Variants in BCKDHB observed in about 807,000 individuals in gnomAD.
BCKDHB encodes 2-oxoisovalerate dehydrogenase subunit beta, mitochondrial.
Under a neutral mutation model 48.5 loss-of-function variants are expected in BCKDHB, and 41 were observed. The observed-to-expected ratio is 0.85, with a 90% CI of 0.66 to 1.10. The LOEUF (loss-of-function observed/expected upper bound fraction) is 1.10. Among genes scored for constraint, BCKDHB ranks in the 50% least tolerant of loss-of-function variants. The pLI, the probability that BCKDHB is intolerant of heterozygous loss-of-function variation, is 0.00. For missense variants in BCKDHB, 496 were observed against 494.2 expected (o/e 1.00, Z -0.03); for synonymous variants, 201 against 174.8 (o/e 1.15, Z -1.18).
At chr6:80,456,536 G>C in the BCKDHB span, among the ~76,000 whole-genome samples, 1 of 152,054 alleles carries the variant, frequency 6.6e-6, no homozygotes, top group Non-Finnish European at 1.5e-5. Flanking sequence ...ACTCCTTTCC[G>C]CTTCTCCATC....
chr6:80,444,734 A>G, the BCKDHB span, among the ~76,000 whole-genome samples: 3 of 152,226 alleles, frequency 2.0e-5, no homozygotes, highest in Non-Finnish European at 4.4e-5. Flanking sequence ...TGTCTTGCAT[A>G]TAGATATGGC....
At chr6:80,220,913 T>A (rs186209374) in intron 8 of BCKDHB, among the ~76,000 whole-genome samples, 1 of 152,042 alleles carries the variant, frequency 6.6e-6, no homozygotes, top group African/African-American at 2.4e-5. Context: ...TTTTGTATTT[T>A]TAGTAGAGAC....
the BCKDHB span, among the ~76,000 whole-genome samples, chr6:80,416,671 C>T: frequency 3.3e-5 from 5 of 152,004 alleles, no homozygotes; most frequent in East Asian, 7.7e-4. Context: ...CATTCTTTTG[C>T]ATTTGCTGAG....
At chr6:80,371,802 G>A in the BCKDHB span, among the ~76,000 whole-genome samples, 2 of 151,722 alleles carry the variant, frequency 1.3e-5, no homozygotes, top group Admixed American at 1.3e-4. Context: ...AAGTATTTGG[G>A]TGGATTTCTA....
chr6:80,378,015 T>C, the BCKDHB span, among the ~76,000 whole-genome samples: 1 of 152,208 alleles, frequency 6.6e-6, no homozygotes, highest in African/African-American at 2.4e-5. Flanking sequence ...TGTTTTATAG[T>C]TTTCAGAGTA....
chr6:80,117,168 A>C (rs1179721883), intron 1 of BCKDHB, among the ~76,000 whole-genome samples: 1 of 152,210 alleles, frequency 6.6e-6, no homozygotes, highest in Non-Finnish European at 1.5e-5. Flanking sequence ...CCAAAACCCT[A>C]AAATTTTGAA....
intron 9 of BCKDHB, among the ~76,000 whole-genome samples, chr6:80,288,719 T>C (rs1766754721): frequency 1.3e-5 from 2 of 152,110 alleles, no homozygotes; most frequent in Admixed American, 6.6e-5. Flanking sequence ...TAAACTAACT[T>C]GTATTATAAT....
At chr6:80,121,079 A>G (rs1677299721) in intron 1 of BCKDHB, among the ~76,000 whole-genome samples, 2 of 152,208 alleles carry the variant, frequency 1.3e-5, no homozygotes, top group African/African-American at 4.8e-5. Context: ...CTTTCTACAT[A>G]TGGCTAGCCA....
At chr6:80,320,770 G>A (rs1015592282) in intron 9 of BCKDHB, among the ~76,000 whole-genome samples, 1 of 152,092 alleles carries the variant, frequency 6.6e-6, no homozygotes, top group African/African-American at 2.4e-5. Context: ...TCAACATTTG[G>A]TTATGGTAGC....
chr6:80,331,198 T>G (rs1476097321), intron 9 of BCKDHB, among the ~76,000 whole-genome samples: 1 of 152,166 alleles, frequency 6.6e-6, no homozygotes, highest in Non-Finnish European at 1.5e-5. Flanking sequence ...CCCACCCAGT[T>G]GAGAGAGCCC....
chr6:80,129,267 C>G (rs879137299), intron 3 of BCKDHB, 38 bp downstream of exon 3: 5 of 1,522,106 alleles, frequency 3.3e-6, no homozygotes, highest in Admixed American at 1.7e-5. Flanking sequence ...TCTGATAGAA[C>G]TTTTACTAAA....
At chr6:80,182,008 C>A (rs756935180) in intron 6 of BCKDHB, among the ~76,000 whole-genome samples, 1 of 152,012 alleles carries the variant, frequency 6.6e-6, no homozygotes, top group Non-Finnish European at 1.5e-5. Context: ...TACTTTTAAA[C>A]GTATATTATT....
At chr6:80,240,571 A>C (rs531614923) in intron 8 of BCKDHB, among the ~76,000 whole-genome samples, 1 of 152,154 alleles carries the variant, frequency 6.6e-6, no homozygotes, top group Non-Finnish European at 1.5e-5. Flanking sequence ...TTGGGCTGAG[A>C]CGATGGGGTT....
chr6:80,238,729 T>C (rs1776249214), intron 8 of BCKDHB, among the ~76,000 whole-genome samples: 1 of 148,690 alleles, frequency 6.7e-6, no homozygotes, highest in Admixed American at 7.0e-5. Context: ...TAGGTGTATC[T>C]CCTAATGCTA....
At chr6:80,129,876 C>T (rs563771822) in intron 3 of BCKDHB, among the ~76,000 whole-genome samples, 35 of 152,294 alleles carry the variant, frequency 2.3e-4, no homozygotes, top group Non-Finnish European at 2.5e-4. Flanking sequence ...CTGATTTAAA[C>T]GCTAATCACA....
At chr6:80,323,644 A>T (rs2128003664) in intron 9 of BCKDHB, among the ~76,000 whole-genome samples, 1 of 152,214 alleles carries the variant, frequency 6.6e-6, no homozygotes, top group East Asian at 1.9e-4. Context: ...CTCATCCAGT[A>T]TTTCTTTTAG....
chr6:80,144,429 A>T (rs1234184467), intron 3 of BCKDHB, among the ~76,000 whole-genome samples: 1 of 152,190 alleles, frequency 6.6e-6, no homozygotes, highest in African/African-American at 2.4e-5. Context: ...ATAACTGTTT[A>T]TATGAAAAGA....
chr6:80,231,529 A>G (rs1775924721), intron 8 of BCKDHB, among the ~76,000 whole-genome samples: 1 of 152,238 alleles, frequency 6.6e-6, no homozygotes, highest in Non-Finnish European at 1.5e-5. Context: ...CAGTTTCTGA[A>G]AAGAAAAGCC....
At chr6:80,358,271 T>A in the BCKDHB span, among the ~76,000 whole-genome samples, 29 of 152,352 alleles carry the variant, frequency 1.9e-4, no homozygotes, top group African/African-American at 6.7e-4. Flanking sequence ...TCTGTAGATA[T>A]GTGTATACAG....
Sources: gnomAD v4.1 joint callset for allele counts (sites outside exome capture counted in the v4.1 genomes callset) on GRCh38, gnomAD v4.1.1 for gene constraint, MANE v1.5 for transcripts, NCBI Gene and HGNC (gene_info 2026-07-23, HGNC 2026-07-21) for gene names.